The following DNAH6 variants were observed in gnomAD, a reference collection of about 807,000 sequenced individuals.
DNAH6 encodes dynein axonemal heavy chain 6, also known as axonemal beta dynein heavy chain 6.
In DNAH6, 340 loss-of-function variants were observed where a neutral mutation model predicts 491.4. The observed-to-expected ratio is 0.69, with a 90% CI of 0.63 to 0.76. DNAH6 has a LOEUF of 0.76. Ranked by LOEUF, DNAH6 falls within the 30% of genes least tolerant of loss-of-function variation. The pLI, the probability that DNAH6 is intolerant of heterozygous loss-of-function variation, is 0.00. For missense variants in DNAH6, 4,443 were observed against 4,972.2 expected, an observed-to-expected ratio of 0.89 and a Z score of 3.20; for synonymous variants, 1,603 against 1,686.1, an observed-to-expected ratio of 0.95 and a Z score of 1.21.
At chr2:84,559,412 G>T (rs933075374) in intron 11 of DNAH6, among the ~76,000 whole-genome samples, 2 of 152,094 alleles carry the variant, frequency 1.3e-5, no homozygotes, top group Non-Finnish European at 2.9e-5. Context: ...GAAAATGTAA[G>T]TGCTGCAAAA....
Position 84,634,515 on chromosome 2 carries a change from C to G in DNAH6, c.4527C>G (p.Arg1509=), listed in dbSNP as rs1454113684. 6 of 1,540,410 alleles carry G rather than the reference C, an allele frequency of 3.9e-6. No homozygotes were observed. The highest frequency in any genetic ancestry group is 2.6e-6 in the Non-Finnish European group (3 of 1,143,146). ...TATTTTGATTTCAGATGATGGGGCG[C>G]TTCTTCAGTGGCTTGGCACAGTCAG... ...SDGLDYKMMG[R]FFSGLAQSGA... The change falls in exon 30 of 77, where the codon CGC becomes CGG. Residue 1509 remains arginine (R), a synonymous_variant. Coordinates refer to ENST00000389394, the MANE Select transcript of DNAH6 (RefSeq NM_001370.2).
intron 61 of DNAH6, among the ~76,000 whole-genome samples, chr2:84,728,625 A>G (rs147703490): frequency 6.6e-6 from 1 of 152,230 alleles, no homozygotes; most frequent in African/African-American, 2.4e-5. Flanking sequence ...AGATTTAGCA[A>G]TAGTTTTTTT....
Position 84,762,959 on chromosome 2 carries a change from G to T in DNAH6, c.10703+14G>T, listed in dbSNP as rs774935249. ...ATATTCAGAACGGTAAGTTCATGTT[G>T]TGCAGTTTTAATAATGCAAATGCAT... On this transcript the variant is annotated intron_variant, in intron 64 of 76. Transcript: ENST00000389394. 24 of 1,546,668 alleles carry T rather than the reference G, an allele frequency of 1.6e-5. No individual in the cohort carries two copies. The Admixed American group carries it at 4.5e-4, about 29-fold the overall frequency.
At chr2:84,642,543 T>C (rs1689515113) in intron 33 of DNAH6, among the ~76,000 whole-genome samples, 1 of 152,192 alleles carries the variant, frequency 6.6e-6, no homozygotes, top group African/African-American at 2.4e-5. Flanking sequence ...CTAACTCTTT[T>C]ATTTATTTAT....
chr2:84,794,602 G>C lies in DNAH6; in HGVS notation c.11240-1704G>C, dbSNP rs1189144497. Among the ~76,000 whole-genome samples, 243 of 150,884 alleles carry C rather than the reference G, an allele frequency of 1.6e-3. 1 individual carries two copies. The highest frequency in any genetic ancestry group is 6.8e-3 in the Middle Eastern group (2 of 294). ...ATGCTCACCATCACTGGCCATCAGA[G>C]AAATGCAAATCAAAACCACAATGAG... On this transcript the variant is annotated intron_variant, in intron 68 of 76. Transcript: ENST00000389394.
chr2:84,801,752 T>A (rs1458684350), intron 70 of DNAH6, among the ~76,000 whole-genome samples: 2 of 150,882 alleles, frequency 1.3e-5, no homozygotes, highest in African/African-American at 4.9e-5. Context: ...GACGTGGTGG[T>A]GTGAACCTGT....
chr2:84,758,084 A>T (rs1289172235), intron 63 of DNAH6, among the ~76,000 whole-genome samples: 1 of 152,218 alleles, frequency 6.6e-6, no homozygotes, highest in African/African-American at 2.4e-5. Flanking sequence ...CATGTTACAT[A>T]TGCTTGTAAC....
At chr2:84,740,604 G>C (rs1672432007) in intron 62 of DNAH6, among the ~76,000 whole-genome samples, 2 of 152,104 alleles carry the variant, frequency 1.3e-5, no homozygotes, top group South Asian at 4.1e-4. Context: ...CTCCTTTAGG[G>C]ACAGTCTGCA....
At position 84,733,359 on chromosome 2, in the gene DNAH6, G is replaced by A; in HGVS notation, c.10207-85G>A. On this transcript the variant is annotated intron_variant, in intron 61 of 76. Coordinates refer to ENST00000389394, the MANE Select transcript of DNAH6 (RefSeq NM_001370.2). The stretch of plus-strand genomic sequence containing the variant: ...AAATGGTTATTTTAACATACTATTA[G>A]AGCTTGATTTTTCACTTGGACAAAG... 3.3e-6 allele frequency: 4 copies of A among 1,200,378 alleles called. 1 individual carries two copies. The South Asian group carries it at 5.6e-5, about 17-fold the overall frequency. 74.4% of individuals were successfully genotyped at this position (1,200,378 alleles called of 1,614,324 possible). A position where few individuals can be genotyped will look rare whatever the true frequency, so the allele number is the denominator to read the frequency against.
chr2:84,620,020 A>G (rs1687249054), intron 24 of DNAH6, 116 bp downstream of exon 24: 1 of 943,978 alleles, frequency 1.1e-6, no homozygotes, highest in East Asian at 2.6e-5. Context: ...GATAACCAAG[A>G]TAAAATTCTT....
At chr2:84,792,727 G>C (rs1367995519) in intron 68 of DNAH6, among the ~76,000 whole-genome samples, 1 of 152,182 alleles carries the variant, frequency 6.6e-6, no homozygotes, top group South Asian at 2.1e-4. Flanking sequence ...AATAAATTTT[G>C]CTCTAACTTA....
At chr2:84,777,832 T>A in intron 64 of DNAH6, 1 of 1,200,226 alleles carries the variant, frequency 8.3e-7, no homozygotes, top group Non-Finnish European at 1.2e-6. Flanking sequence ...AGATATCCAC[T>A]GGATTTGAAA....
At chr2:84,594,824 G>T (rs1429882649) in intron 17 of DNAH6, among the ~76,000 whole-genome samples, 1 of 152,152 alleles carries the variant, frequency 6.6e-6, no homozygotes, top group African/African-American at 2.4e-5. Flanking sequence ...TCTAGGTGCT[G>T]GGAGTACCAG....
At chr2:84,522,708 A>G (rs1349762342) in intron 2 of DNAH6, among the ~76,000 whole-genome samples, 1 of 152,056 alleles carries the variant, frequency 6.6e-6, no homozygotes, top group Non-Finnish European at 1.5e-5. Context: ...CTTTTTCTGG[A>G]TCTGGTGAGA....
Position 84,653,299 on chromosome 2 carries a change from T to A in DNAH6, c.5079-20T>A. The A allele has an allele frequency of 6.8e-7, 1 of 1,475,998 alleles. No individual in the cohort carries two copies. Among genetic ancestry groups the A allele is most frequent in the African/African-American group, 1.4e-5 (1 of 70,396 alleles). 91.4% of individuals were successfully genotyped at this position (1,475,998 alleles called of 1,614,324 possible). The stretch of plus-strand genomic sequence containing the variant: ...TCAATGACCAGTTGTTCCTAATTGA[T>A]TTTATTTTTGTTTTGACAGTGGAAT... On this transcript the variant is annotated intron_variant, in intron 33 of 76. Coordinates refer to ENST00000389394, the MANE Select transcript of DNAH6 (RefSeq NM_001370.2).
In DNAH6 at chr2:84,529,066, C is replaced by A. The variant is rs377655156; in HGVS notation, c.562C>A (p.Gln188Lys). ...TAAAGCCAACATTCGTGATCCCTTG[C>A]AAATCATTAAAATAATACGTGAAAA... ...VVKANIRDPL[Q>K]IIKIIRENEH... The change falls in exon 4 of 77, where the codon CAA becomes AAA. Residue 188 changes from glutamine (Q) to lysine (K), a missense_variant. Gln to Lys is a moderately conservative substitution (Grantham distance 53, BLOSUM62 1). Around this residue, in one of 3 missense-constraint regions of DNAH6, gnomAD observed 2,977 missense variants for 3,296.6 expected, o/e 0.90. Transcript: ENST00000389394. 36 of 1,551,016 alleles carry A rather than the reference C, an allele frequency of 2.3e-5. No individual in the cohort carries two copies. Among genetic ancestry groups the A allele is most frequent in the Non-Finnish European group, 2.9e-5 (33 of 1,146,688 alleles).
At chr2:84,807,692 C>T (rs1255020424) in intron 71 of DNAH6, among the ~76,000 whole-genome samples, 2 of 152,160 alleles carry the variant, frequency 1.3e-5, no homozygotes, top group Non-Finnish European at 2.9e-5. Context: ...CTTCATCCTG[C>T]TAGCATTTAC....
At chr2:84,752,574 A>AC (rs1485434232) in intron 63 of DNAH6, among the ~76,000 whole-genome samples, 5 of 151,576 alleles carry the variant, frequency 3.3e-5, no homozygotes, top group Admixed American at 3.3e-4. Flanking sequence ...CATTTTAATA[A>AC]CCCCCCGAAA....
Position 84,597,850 on chromosome 2 carries a change from G to A in DNAH6, c.2868+2061G>A, listed in dbSNP as rs559320912. On this transcript the variant is annotated intron_variant, in intron 18 of 76. Coordinates refer to ENST00000389394, the MANE Select transcript of DNAH6 (RefSeq NM_001370.2). ...AAAACATGATGCTGGACTAGGTGAG[G>A]TGACTTATGCCTGTAATCCCAATAC... is the stretch of plus-strand genomic sequence containing the variant. 5.3e-5 allele frequency among the ~76,000 whole-genome samples: 8 copies of A among 152,274 alleles called. No individual in the cohort carries two copies. In the South Asian group the frequency reaches 1.7e-3, roughly 32 times the overall value.
Sources: allele counts gnomAD v4.1 joint callset (sites outside exome capture counted in the v4.1 genomes callset), GRCh38; gene constraint gnomAD v4.1.1; regional missense constraint gnomAD v4.1.1; transcripts MANE v1.5; gene names NCBI Gene and HGNC (gene_info 2026-07-23, HGNC 2026-07-21).